TEX9: variants seen among roughly 807,000 people sequenced by gnomAD.
TEX9 encodes testis-expressed protein 9.
Under a neutral mutation model 59.6 loss-of-function variants are expected in TEX9, and 74 were observed. That is an observed-to-expected ratio of 1.24 (90% CI 1.03 to 1.51). The LOEUF (loss-of-function observed/expected upper bound fraction) is 1.51. Ranked by LOEUF, TEX9 falls within the 40% of genes most tolerant of loss-of-function variation. The pLI is 0.00. For missense variants in TEX9, 522 were observed against 447.8 expected (o/e 1.17, Z -1.49); for synonymous variants, 186 against 152.2 (o/e 1.22, Z -1.64).
At chr15:56,362,647 A>G (rs77039730), upstream of TEX9, among the ~76,000 whole-genome samples, 226 of 152,284 alleles carry the variant, frequency 1.5e-3, 1 homozygote, top group African/African-American at 5.2e-3. Context: ...CATCAACACA[A>G]TTGATTTTAG....
upstream of TEX9, among the ~76,000 whole-genome samples, chr15:56,364,775 A>T (rs1235733559): frequency 6.6e-6 from 1 of 152,134 alleles, no homozygotes; most frequent in African/African-American, 2.4e-5. Context: ...TTATTTTTGG[A>T]TGTCAATTTT....
intron 1 of TEX9, among the ~76,000 whole-genome samples, chr15:56,349,504 T>C (rs2046534415): frequency 6.6e-6 from 1 of 152,182 alleles, no homozygotes; most frequent in South Asian, 2.1e-4. Context: ...TGAAAGACTA[T>C]GGGTTTTCTA....
intron 1 of TEX9, among the ~76,000 whole-genome samples, chr15:56,257,705 C>T (rs2044175641): frequency 6.6e-6 from 1 of 151,980 alleles, no homozygotes; most frequent in Non-Finnish European, 1.5e-5. Context: ...TTGTTAGATG[C>T]ATAGAATGCA....
chr15:56,358,822 T>G, intron 1 of TEX9, among the ~76,000 whole-genome samples: 1 of 152,112 alleles, frequency 6.6e-6, no homozygotes, highest in East Asian at 1.9e-4. Flanking sequence ...CTCGTGATAG[T>G]GAGTGATGTC....
chr15:56,380,686 A>G (rs1397419816), intron 3 of TEX9, among the ~76,000 whole-genome samples: 1 of 152,170 alleles, frequency 6.6e-6, no homozygotes, highest in East Asian at 1.9e-4. Flanking sequence ...TGCTGGATAT[A>G]CTATTCTAAG....
chr15:56,244,007 C>G (rs1371350225), upstream of TEX9: 2 of 148,384 alleles, frequency 1.3e-5, no homozygotes, highest in Non-Finnish European at 3.0e-5. Context: ...CGCGGGCCAG[C>G]GGGCCAGGGA....
At chr15:56,295,046 CT>C (rs1306929625) in intron 1 of TEX9, among the ~76,000 whole-genome samples, 6 of 151,942 alleles carry the variant, frequency 3.9e-5, no homozygotes, top group Non-Finnish European at 7.4e-5. Flanking sequence ...TATAAATATA[CT>C]TTTTTCCTTA....
intron 1 of TEX9, among the ~76,000 whole-genome samples, chr15:56,316,707 A>G (rs1596084006): frequency 4.6e-5 from 7 of 151,886 alleles, no homozygotes; most frequent in Admixed American, 4.6e-4. Flanking sequence ...TGCTTTGTTT[A>G]CCTAATCAAG....
At chr15:56,332,778 A>G (rs2046178710) in intron 1 of TEX9, among the ~76,000 whole-genome samples, 1 of 152,112 alleles carries the variant, frequency 6.6e-6, no homozygotes, top group Non-Finnish European at 1.5e-5. Flanking sequence ...CGTTAGCCAG[A>G]ATAACTAAGA....
At chr15:56,438,037 T>C (rs1475024137) in intron 12 of TEX9, among the ~76,000 whole-genome samples, 1 of 152,180 alleles carries the variant, frequency 6.6e-6, no homozygotes, top group Admixed American at 6.5e-5. Context: ...ATGGCCATAC[T>C]GCCCAAGGTA....
chr15:56,349,046 T>G (rs1377126118), intron 1 of TEX9, among the ~76,000 whole-genome samples: 1 of 152,180 alleles, frequency 6.6e-6, no homozygotes, highest in Non-Finnish European at 1.5e-5. Context: ...TTTCAATGTT[T>G]CCATGAGTAG....
intron 1 of TEX9, among the ~76,000 whole-genome samples, chr15:56,324,331 G>C (rs1447144139): frequency 6.6e-6 from 1 of 152,058 alleles, no homozygotes; most frequent in Non-Finnish European, 1.5e-5. Flanking sequence ...ATCATTACAA[G>C]TCTATACTTT....
intron 1 of TEX9, among the ~76,000 whole-genome samples, chr15:56,294,197 C>T (rs1229922856): frequency 6.6e-6 from 1 of 152,134 alleles, no homozygotes; most frequent in African/African-American, 2.4e-5. Context: ...GATGGACTGT[C>T]AAAAAGATGT....
chr15:56,312,590 C>T (rs2045648262), intron 1 of TEX9, among the ~76,000 whole-genome samples: 1 of 149,326 alleles, frequency 6.7e-6, no homozygotes, highest in African/African-American at 2.5e-5. Flanking sequence ...ATGCCTCCAG[C>T]TTTGTTCTTT....
At chr15:56,388,187 G>C (rs2048047052) in intron 4 of TEX9, among the ~76,000 whole-genome samples, 1 of 151,896 alleles carries the variant, frequency 6.6e-6, no homozygotes, top group African/African-American at 2.4e-5. Flanking sequence ...GCTGTGGATA[G>C]CCCACAATTA....
upstream of TEX9, among the ~76,000 whole-genome samples, chr15:56,361,070 C>A (rs1272192607): frequency 6.6e-6 from 1 of 152,180 alleles, no homozygotes; most frequent in African/African-American, 2.4e-5. Flanking sequence ...CATGGCCACA[C>A]CTGACTGACC....
intron 1 of TEX9, among the ~76,000 whole-genome samples, chr15:56,282,300 T>G (rs1332908609): frequency 6.6e-6 from 1 of 152,140 alleles, no homozygotes; most frequent in African/African-American, 2.4e-5. Context: ...AAAATCAAAG[T>G]CATTCCTAAT....
chr15:56,283,545 T>C (rs1242446948), intron 1 of TEX9, among the ~76,000 whole-genome samples: 4 of 152,164 alleles, frequency 2.6e-5, no homozygotes, highest in African/African-American at 7.2e-5. Flanking sequence ...GGAGCAATTG[T>C]TTAGCAATTT....
At chr15:56,267,568 C>A (rs1034539328) in intron 1 of TEX9, among the ~76,000 whole-genome samples, 8 of 152,102 alleles carry the variant, frequency 5.3e-5, no homozygotes, top group Admixed American at 5.2e-4. Context: ...TTCCTAATAC[C>A]ATTTATTAAA....
Sources: allele counts gnomAD v4.1 joint callset (sites outside exome capture counted in the v4.1 genomes callset), GRCh38; gene constraint gnomAD v4.1.1; transcripts MANE v1.5; gene names NCBI Gene and HGNC (gene_info 2026-07-23, HGNC 2026-07-21).